HSPA12B: variants seen among roughly 807,000 people sequenced by gnomAD.
The protein encoded by HSPA12B is heat shock 70 kDa protein 12B.
HSPA12B carries 54 observed loss-of-function variants against 69.3 expected under a neutral mutation model. The ratio of observed to expected loss-of-function variants is 0.78; its 90% CI spans 0.63 to 0.98. The LOEUF is 0.98. Among genes scored for constraint, HSPA12B ranks in the 50% least tolerant of loss-of-function variants. HSPA12B has a pLI of 0.00. For synonymous variants in HSPA12B, 441 were observed against 436.5 expected, an observed-to-expected ratio of 1.01 and a Z score of -0.13; for missense variants, 929 against 999.8, an observed-to-expected ratio of 0.93 and a Z score of 0.96.
At position 3,752,049 on chromosome 20, in the gene HSPA12B, C is replaced by T. The variant is rs749350678; in HGVS notation, c.1944C>T (p.Pro648=). ...GCCAGGACACCGCCGGCGCGCCTCC[C>T]GGCCGCCGCGAGATCCGCGCCGCCA... is the stretch of plus-strand genomic sequence containing the variant. The part of the protein sequence containing the change: ...DCGQDTAGAP[P]GRREIRAAMQ... Residue 648 remains proline, a synonymous_variant, in exon 13 of 13, where the codon CCC becomes CCT. Coordinates refer to ENST00000254963, the MANE Select transcript of HSPA12B (RefSeq NM_052970.5). The T allele has an allele frequency of 1.5e-5, 23 of 1,550,306 alleles. No homozygotes were observed. Among genetic ancestry groups the T allele is most frequent in the Non-Finnish European group, 2.0e-5 (23 of 1,154,608 alleles).
chr20:3,738,779 C>T (rs879417458), intron 2 of HSPA12B, 62 bp downstream of exon 2: 1 of 1,567,320 alleles, frequency 6.4e-7, no homozygotes, highest in Non-Finnish European at 8.8e-7. Flanking sequence ...GCACTGAGAC[C>T]CACCTACAGG....
At chr20:3,738,929 C>G (rs1693042119) in intron 2 of HSPA12B, among the ~76,000 whole-genome samples, 1 of 151,828 alleles carries the variant, frequency 6.6e-6, no homozygotes. Flanking sequence ...GTGCACCGGT[C>G]TGTGTATGTG....
At position 3,737,283 on chromosome 20, in the gene HSPA12B, C is replaced by T. The variant is rs755651189; in HGVS notation, c.-17-1375C>T. On this transcript the variant is annotated intron_variant, in intron 1 of 12. Transcript: ENST00000254963. The surrounding 1 kb of genome is among the most constrained non-coding windows in gnomAD (Gnocchi z 4.1). ...GGCCCCAGAACTTCATAGACAGGAT[C>T]GAGCCCCTCCCATCTTAGAAAATAA... Among the ~76,000 whole-genome samples, 19 of 152,216 alleles carry T rather than the reference C, an allele frequency of 1.2e-4. No homozygotes were observed. The highest frequency in any genetic ancestry group is 1.0e-3 in the South Asian group (5 of 4,820).
At position 3,740,880 on chromosome 20, in the gene HSPA12B, G is replaced by A. The variant is rs375250880; in HGVS notation, c.109G>A (p.Gly37Ser). 1.7e-5 allele frequency: 27 copies of A among 1,613,518 alleles called. No individual in the cohort carries two copies. The highest frequency in any genetic ancestry group is 1.3e-4 in the African/African-American group (10 of 74,904). Residue 37 changes from glycine to serine, a missense_variant, in exon 3 of 13, where the codon GGC becomes AGC. Physicochemically the swap from Gly to Ser is moderately conservative, Grantham distance 56. Transcript: ENST00000254963. The surrounding 1 kb of genome is among the most constrained non-coding windows in gnomAD (Gnocchi z 4.9). ...PGSPRTQESC[G>S]IAPLTPSQSP... ...CTCCCCGAGGACCCAGGAAAGCTGC[G>A]GCATTGCCCCCCTCACACCCTCGCA...
chr20:3,751,351 T>C, intron 12 of HSPA12B, 160 bp from the exon 13 acceptor site: 2 of 985,486 alleles, frequency 2.0e-6, no homozygotes, highest in Non-Finnish European at 2.4e-6. Context: ...CCGTGAGCTC[T>C]CAAAGAAAGT....
chr20:3,745,669 C>A lies in HSPA12B; in HGVS notation c.558+72C>A. The A allele has an allele frequency of 1.5e-6, 2 of 1,354,324 alleles. No individual in the cohort carries two copies. Among genetic ancestry groups the A allele is most frequent in the East Asian group, 2.3e-5 (1 of 43,110 alleles). 83.9% of individuals were successfully genotyped at this position (1,354,324 alleles called of 1,614,324 possible). ...TTTCCCCTCATCCGAAACCGCTCCC[C>A]CATCCCGTCCCCGACATTGGATGGG... is the stretch of plus-strand genomic sequence containing the variant. On this transcript the variant is annotated intron_variant, in intron 6 of 12. Transcript: ENST00000254963. This position sits in a 1 kb window ranked among gnomAD's most constrained non-coding sequence, Gnocchi z 5.6.
rs760272735 is a variant in HSPA12B at position 3,740,890 on chromosome 20, C to T, written c.119C>T (p.Pro40Leu). The T allele has an allele frequency of 1.2e-6, 2 of 1,613,140 alleles. No homozygotes were observed. The highest frequency in any genetic ancestry group is 1.7e-6 in the Non-Finnish European group (2 of 1,179,694). ...PRTQESCGIA[P>L]LTPSQSPKPE... ...ACCCAGGAAAGCTGCGGCATTGCCC[C>T]CCTCACACCCTCGCAGTCTCCAGTA... The change falls in exon 3 of 13, where the codon CCC (proline) becomes CTC (leucine). Residue 40 changes from proline to leucine, a missense_variant. Physicochemically the swap from Pro to Leu is moderately conservative, Grantham distance 98. Around this residue, in one of 3 missense-constraint regions of HSPA12B, gnomAD observed 477 missense variants for 535.2 expected, o/e 0.89. Transcript: ENST00000254963. This position sits in a 1 kb window ranked among gnomAD's most constrained non-coding sequence, Gnocchi z 4.9.
At position 3,743,184 on chromosome 20, in the gene HSPA12B, C is replaced by CT. The variant is rs61614564; in HGVS notation, c.266+789dup. 7.6e-4 allele frequency among the ~76,000 whole-genome samples: 106 copies of CT among 139,288 alleles called. 1 individual carries two copies. The highest frequency in any genetic ancestry group is 3.8e-3 in the Middle Eastern group (1 of 260). 91.4% of individuals were successfully genotyped at this position (139,288 alleles called of 152,430 possible). The stretch of plus-strand genomic sequence containing the variant: ...TACAGATGTGAGCCACCAACCTGGC[C>CT]TTTTTTTTTTTTTCTTTGAGACAGG... On this transcript the variant is annotated intron_variant, in intron 4 of 12. Coordinates refer to ENST00000254963, the MANE Select transcript of HSPA12B (RefSeq NM_052970.5).
In HSPA12B at chr20:3,749,661, C is replaced by A. The variant is rs917135250; in HGVS notation, c.938-89C>A. The A allele has an allele frequency of 1.3e-5, 13 of 974,742 alleles. No individual in the cohort carries two copies. Among genetic ancestry groups the A allele is most frequent in the Non-Finnish European group, 1.7e-5 (11 of 666,278 alleles). 60.4% of individuals were successfully genotyped at this position (974,742 alleles called of 1,614,324 possible). A position where few individuals can be genotyped will look rare whatever the true frequency, so the allele number is the denominator to read the frequency against. On this transcript the variant is annotated intron_variant, in intron 9 of 12. Coordinates refer to ENST00000254963, the MANE Select transcript of HSPA12B (RefSeq NM_052970.5). The surrounding 1 kb of genome is among the most constrained non-coding windows in gnomAD (Gnocchi z 5.5). ...TGCAGACAGGCCTTGGGACCCGGGG[C>A]AGGGCTGGAGGCTGGGCGAGGCTGG...
At chr20:3,751,134 A>T in intron 12 of HSPA12B, 10 of 676,648 alleles carry the variant, frequency 1.5e-5, no homozygotes, top group Non-Finnish European at 1.8e-5. Context: ...TTCCCCATTT[A>T]TAAAATGGGG....
At position 3,745,426 on chromosome 20, in the gene HSPA12B, A is replaced by C; in HGVS notation, c.454-67A>C. The stretch of plus-strand genomic sequence containing the variant: ...CTCCAGGAAACGGGGTGATTTTAAG[A>C]GCGAGGTCGTCAGGAAATGAGTGCC... On this transcript the variant is annotated intron_variant, in intron 5 of 12. Transcript: ENST00000254963. The surrounding 1 kb of genome is among the most constrained non-coding windows in gnomAD (Gnocchi z 5.6). 8.8e-7 allele frequency: 1 copy of C among 1,136,104 alleles called. No individual in the cohort carries two copies. Among genetic ancestry groups the C allele is most frequent in the Non-Finnish European group, 1.3e-6 (1 of 745,334 alleles). 70.4% of individuals were successfully genotyped at this position (1,136,104 alleles called of 1,614,324 possible).
At chr20:3,747,051 G>C (rs999432311) in intron 7 of HSPA12B, among the ~76,000 whole-genome samples, 1 of 152,194 alleles carries the variant, frequency 6.6e-6, no homozygotes, top group Non-Finnish European at 1.5e-5. Flanking sequence ...ATGAAATAAA[G>C]GGAGGCGATT....
At chr20:3,733,087 G>C (rs1273463705) in intron 1 of HSPA12B, among the ~76,000 whole-genome samples, 1 of 152,230 alleles carries the variant, frequency 6.6e-6, no homozygotes, top group Non-Finnish European at 1.5e-5. Flanking sequence ...GACTGGTGTG[G>C]GCTGGGGCCT....
intron 1 of HSPA12B, among the ~76,000 whole-genome samples, chr20:3,733,011 C>A (rs1365202800): frequency 6.6e-6 from 1 of 152,232 alleles, no homozygotes; most frequent in East Asian, 1.9e-4. Flanking sequence ...GACCACCTCC[C>A]CTGTCCCTCG....
Position 3,749,520 on chromosome 20 carries a change from G to C in HSPA12B, c.937+202G>C, listed in dbSNP as rs2088369947. ...CCCACTCCTCCAGGGGATTCTCCGC[G>C]GACGCTCGGGTGGAGTTGCAGAGCC... is the stretch of plus-strand genomic sequence containing the variant. On this transcript the variant is annotated intron_variant, in intron 9 of 12. Transcript: ENST00000254963. This position sits in a 1 kb window ranked among gnomAD's most constrained non-coding sequence, Gnocchi z 5.5. Among the ~76,000 whole-genome samples the C allele has an allele frequency of 6.6e-6, 1 of 152,086 alleles. No individual in the cohort carries two copies. Among genetic ancestry groups the C allele is most frequent in the Non-Finnish European group, 1.5e-5 (1 of 68,004 alleles).
chr20:3,747,484 G>C (rs1390325708), intron 7 of HSPA12B, among the ~76,000 whole-genome samples: 1 of 152,182 alleles, frequency 6.6e-6, no homozygotes, highest in East Asian at 1.9e-4. Context: ...GCTCAGGAAA[G>C]TCTGGCCCTG....
chr20:3,744,946 C>T lies in HSPA12B; in HGVS notation c.311C>T (p.Pro104Leu), dbSNP rs2088268852. The T allele has an allele frequency of 1.2e-6, 2 of 1,613,644 alleles. No individual in the cohort carries two copies. Among genetic ancestry groups the T allele is most frequent in the South Asian group, 1.1e-5 (1 of 91,084 alleles). The change falls in exon 5 of 13, where the codon CCG becomes CTG. Residue 104 changes from proline to leucine, a missense_variant. Pro to Leu is a moderately conservative substitution (Grantham distance 98). This residue lies in a region of HSPA12B where 477 missense variants were observed against 535.2 expected (regional missense o/e 0.89). Coordinates refer to ENST00000254963, the MANE Select transcript of HSPA12B (RefSeq NM_052970.5). This position sits in a 1 kb window ranked among gnomAD's most constrained non-coding sequence, Gnocchi z 4.9. Reference protein sequence around the residue: ...GDPGVAHQKTPTCLLLTPEGA... With the variant: ...GDPGVAHQKTLTCLLLTPEGA... The stretch of plus-strand genomic sequence containing the variant: ...CCGGGCGTGGCCCACCAGAAGACCC[C>T]GACCTGCCTGCTGCTGACTCCGGAG...
chr20:3,742,128 G>C (rs113188909), intron 3 of HSPA12B, among the ~76,000 whole-genome samples, 156 bp from the exon 4 acceptor site: 1 of 152,086 alleles, frequency 6.6e-6, no homozygotes, highest in Non-Finnish European at 1.5e-5. Context: ...AAGGGAGCCC[G>C]AGCAGGTGGG....
Position 3,740,889 on chromosome 20 carries a change from C to T in HSPA12B, c.118C>T (p.Pro40Ser). 6.2e-7 allele frequency: 1 copy of T among 1,613,420 alleles called. No homozygotes were observed. The change falls in exon 3 of 13, where the codon CCC becomes TCC. Residue 40 changes from proline (P) to serine (S), a missense_variant. Pro to Ser is a moderately conservative substitution (Grantham distance 74). This residue lies in a region of HSPA12B where 477 missense variants were observed against 535.2 expected (regional missense o/e 0.89). Transcript: ENST00000254963. The surrounding 1 kb of genome is among the most constrained non-coding windows in gnomAD (Gnocchi z 4.9). ...GACCCAGGAAAGCTGCGGCATTGCC[C>T]CCCTCACACCCTCGCAGTCTCCAGT... ...PRTQESCGIA[P>S]LTPSQSPKPE... is the part of the protein sequence containing the mutation.
Sources: gnomAD v4.1 joint callset for allele counts (sites outside exome capture counted in the v4.1 genomes callset) on GRCh38, gnomAD v4.1.1 for gene constraint, gnomAD v4.1.1 regional missense constraint, Gnocchi (gnomAD v3.1) non-coding constraint, MANE v1.5 for transcripts, NCBI Gene and HGNC (gene_info 2026-07-23, HGNC 2026-07-21) for gene names.